RAB44: variants seen among roughly 807,000 people sequenced by gnomAD.
RAB44 encodes RAB44, member RAS oncogene family.
A neutral mutation model predicts 93.3 loss-of-function variants in RAB44; 67 were observed. The ratio of observed to expected loss-of-function variants is 0.72; its 90% CI spans 0.59 to 0.88. The LOEUF is 0.88. RAB44 is among the 40% of genes least tolerant of loss of function. The pLI is 0.00. For synonymous variants in RAB44, 427 were observed against 520.3 expected (o/e 0.82, Z 2.44); for missense variants, 1,064 against 1,261.7 (o/e 0.84, Z 2.37).
In RAB44 at chr6:36,731,318, G is replaced by A. The variant is rs779819238; in HGVS notation, c.2975+569G>A. The stretch of plus-strand genomic sequence containing the variant: ...TGTCCTTCATGGCCCTTCTTGACAC[G>A]ACACATATTAATGATATATGCATTT... On this transcript the variant is annotated intron_variant, in intron 13 of 13. Coordinates refer to ENST00000612677, the MANE Select transcript of RAB44 (RefSeq NM_001257357.2). This position sits in a 1 kb window ranked among gnomAD's most constrained non-coding sequence, Gnocchi z 4.0. 7.2e-5 allele frequency among the ~76,000 whole-genome samples: 11 copies of A among 152,010 alleles called. No homozygotes were observed. The East Asian group carries it at 1.5e-3, about 21-fold the overall frequency.
At chr6:36,709,285 G>A (rs923271960) in intron 2 of RAB44, among the ~76,000 whole-genome samples, 2 of 152,022 alleles carry the variant, frequency 1.3e-5, no homozygotes, top group South Asian at 2.1e-4. Context: ...ATTAAAACTG[G>A]GCCAAATTTG....
Position 36,730,779 on chromosome 6 carries a change from A to ACC in RAB44, c.2975+38_2975+39dup, listed in dbSNP as rs57522248. 20 of 910,930 alleles carry ACC rather than the reference A, an allele frequency of 2.2e-5. No homozygotes were observed. In the African/African-American group the frequency reaches 2.2e-4, roughly 10 times the overall value. The allele number at this position is 910,930 out of a possible 1,614,324, so 56.4% of individuals were successfully genotyped here. ...GTGCTGCCCGCCCCCCGCCGCCCCC[A>ACC]CCCCCCCCCTTGCAGAATCCTCTGG... On this transcript the variant is annotated intron_variant, in intron 13 of 13. Transcript: ENST00000612677.
At position 36,732,389 on chromosome 6, in the gene RAB44, A is replaced by C; in HGVS notation, c.*296A>C. Reference sequence around the variant, plus strand: ...AAATACACCAAAATATTGGCCGCACATCTGTGGGTGTAAAATTTTAGGGAG... The same window carrying C: ...AAATACACCAAAATATTGGCCGCACCTCTGTGGGTGTAAAATTTTAGGGAG... On this transcript the variant is annotated 3_prime_UTR_variant, in exon 14 of 14. Transcript: ENST00000612677. The C allele has an allele frequency of 1.2e-5, 2 of 173,378 alleles. No homozygotes were observed. Among genetic ancestry groups the C allele is most frequent in the Non-Finnish European group, 1.1e-5 (1 of 87,262 alleles). 10.7% of individuals were successfully genotyped at this position (173,378 alleles called of 1,614,324 possible).
In RAB44 at chr6:36,702,648, G is replaced by A. The variant is rs182254333; in HGVS notation, c.-12-1576G>A. 2.7e-3 allele frequency among the ~76,000 whole-genome samples: 411 copies of A among 152,314 alleles called. 5 individuals are homozygous for A. Among genetic ancestry groups the A allele is most frequent in the Non-Finnish European group, 4.1e-4 (28 of 68,030 alleles). ...TGCTTCCAAATCCTACATGCCTCCT[G>A]CAGAACCTGCACAAGCCCCACCACT... On this transcript the variant is annotated intron_variant, in intron 1 of 13. Coordinates refer to ENST00000612677, the MANE Select transcript of RAB44 (RefSeq NM_001257357.2).
At position 36,715,640 on chromosome 6, in the gene RAB44, C is replaced by CACTT; in HGVS notation, c.486_489dup (p.Pro164ThrfsTer54). On this transcript the variant is annotated frameshift_variant, in exon 4 of 14. Coordinates refer to ENST00000612677, the MANE Select transcript of RAB44 (RefSeq NM_001257357.2). LOFTEE classifies it high-confidence loss of function. ...CTTCATGGAGCAGCTGGGGACTGGA[C>CACTT]ACTTACTTCCCAAGTAAGGCCAGGG... is the stretch of plus-strand genomic sequence containing the variant. 1.3e-6 allele frequency: 2 copies of CACTT among 1,536,052 alleles called. No homozygotes were observed. Among genetic ancestry groups the CACTT allele is most frequent in the Non-Finnish European group, 8.7e-7 (1 of 1,146,872 alleles).
intron 2 of RAB44, among the ~76,000 whole-genome samples, chr6:36,708,408 G>A (rs1762703247): frequency 6.6e-6 from 1 of 151,990 alleles, no homozygotes; most frequent in African/African-American, 2.4e-5. Flanking sequence ...TAGTGTTGAA[G>A]TATTTAAAAC....
chr6:36,700,444 CTTTTTTA>C (rs1036604344), intron 1 of RAB44, among the ~76,000 whole-genome samples: 2 of 152,062 alleles, frequency 1.3e-5, no homozygotes, highest in Admixed American at 6.6e-5. Flanking sequence ...TTTAATTTTA[CTTTTTTA>C]TTTTTTTGAG....
intron 4 of RAB44, among the ~76,000 whole-genome samples, chr6:36,716,833 G>C (rs1350547269): frequency 2.6e-5 from 4 of 152,224 alleles, no homozygotes; most frequent in Non-Finnish European, 2.9e-5. Context: ...CCGTGTGGCA[G>C]GCCCTGAGCT....
Position 36,725,895 on chromosome 6 carries a change from A to G in RAB44, c.2633A>G (p.Asp878Gly). 6.4e-7 allele frequency: 1 copy of G among 1,550,696 alleles called. No individual in the cohort carries two copies. Among genetic ancestry groups the G allele is most frequent in the Non-Finnish European group, 8.7e-7 (1 of 1,147,008 alleles). The change falls in exon 10 of 14, where the codon GAC (aspartate) becomes GGC (glycine). Residue 878 changes from aspartate to glycine, a missense_variant. By Grantham distance (94) the Asp-to-Gly change is moderately conservative (BLOSUM62 -1). Coordinates refer to ENST00000612677, the MANE Select transcript of RAB44 (RefSeq NM_001257357.2). ...TTTCGGGTCAAAACCTTGCTGGTGG[A>G]CAACAAGTGCTTTGTGCTGCAGCTC... ...VDFRVKTLLV[D>G]NKCFVLQLWD... is the part of the protein sequence containing the mutation.
At chr6:36,728,866 T>A in intron 12 of RAB44, 65 bp downstream of exon 12, 1 of 1,323,256 alleles carries the variant, frequency 7.6e-7, no homozygotes, top group Non-Finnish European at 1.1e-6. Context: ...TGGCAGGTGG[T>A]GGATAGGCAT....
At chr6:36,719,193 C>T (rs1048920251) in intron 7 of RAB44, among the ~76,000 whole-genome samples, 2 of 152,148 alleles carry the variant, frequency 1.3e-5, no homozygotes, top group East Asian at 3.8e-4. Context: ...GACCACTGAC[C>T]TTGGTAAAAT....
chr6:36,714,338 T>C (rs1466999972), intron 3 of RAB44, among the ~76,000 whole-genome samples: 1 of 152,176 alleles, frequency 6.6e-6, no homozygotes, highest in South Asian at 2.1e-4. Context: ...CCCCAGCACC[T>C]GCCTCTCTAG....
intron 2 of RAB44, among the ~76,000 whole-genome samples, chr6:36,704,692 AT>A (rs1762600965): frequency 2.0e-5 from 3 of 152,230 alleles, no homozygotes; most frequent in African/African-American, 7.2e-5. Flanking sequence ...TAATTTGCAA[AT>A]GGTATAATTT....
At chr6:36,703,164 C>A (rs9380589) in intron 1 of RAB44, among the ~76,000 whole-genome samples, 1 of 152,116 alleles carries the variant, frequency 6.6e-6, no homozygotes, top group Non-Finnish European at 1.5e-5. Context: ...GGCAGAAGGA[C>A]GACAGGGAGC....
chr6:36,712,649 G>A (rs1207796759), intron 2 of RAB44, among the ~76,000 whole-genome samples: 1 of 152,190 alleles, frequency 6.6e-6, no homozygotes, highest in Non-Finnish European at 1.5e-5. Flanking sequence ...ACAGGTGTGA[G>A]CCACTGCACC....
rs547794659 is a variant in RAB44 at position 36,732,830 on chromosome 6, G to C, written c.*737G>C. ...ACACCTCCCAGGGGTCACATTTGGG[G>C]GTCCCGCCCCCTGCTCCAATGCCAT... On this transcript the variant is annotated 3_prime_UTR_variant, in exon 14 of 14. Coordinates refer to ENST00000612677, the MANE Select transcript of RAB44 (RefSeq NM_001257357.2). 1 of 152,196 alleles carries C rather than the reference G, an allele frequency of 6.6e-6. No homozygotes were observed. Among genetic ancestry groups the C allele is most frequent in the Non-Finnish European group, 1.5e-5 (1 of 68,076 alleles). 9.4% of individuals were successfully genotyped at this position (152,196 alleles called of 1,614,324 possible). A position where few individuals can be genotyped will look rare whatever the true frequency, so the allele number is the denominator to read the frequency against.
chr6:36,730,760 C>T lies in RAB44; in HGVS notation c.2975+11C>T, dbSNP rs1158613005. On this transcript the variant is annotated intron_variant, in intron 13 of 13. Transcript: ENST00000612677. Reference sequence around the variant, plus strand: ...AGTAAACCTGGCCAGGTAAGTGCTGCCCGCCCCCCGCCGCCCCCACCCCCC... The same window carrying T: ...AGTAAACCTGGCCAGGTAAGTGCTGTCCGCCCCCCGCCGCCCCCACCCCCC... The T allele has an allele frequency of 2.0e-6, 2 of 985,020 alleles. No homozygotes were observed. The highest frequency in any genetic ancestry group is 5.9e-5 in the East Asian group (1 of 17,022). 61.0% of individuals were successfully genotyped at this position (985,020 alleles called of 1,614,324 possible). A position where few individuals can be genotyped will look rare whatever the true frequency, so the allele number is the denominator to read the frequency against.
Position 36,721,315 on chromosome 6 carries a change from C to T in RAB44, c.1181C>T (p.Thr394Ile). 1 of 1,230,506 alleles carries T rather than the reference C, an allele frequency of 8.1e-7. No individual in the cohort carries two copies. The highest frequency in any genetic ancestry group is 1.0e-6 in the Non-Finnish European group (1 of 985,026). 76.2% of individuals were successfully genotyped at this position (1,230,506 alleles called of 1,614,324 possible). ...CAGCTCTGCTGGAGCCCGCCCCCGA[C>T]CCCAAGAGCCACCTCAGGCCCCCAG... is the stretch of plus-strand genomic sequence containing the variant. Reference protein sequence around the residue: ...ALQLCWSPPPTPRATSGPQTP... With the variant: ...ALQLCWSPPPIPRATSGPQTP... The change falls in exon 9 of 14, where the codon ACC becomes ATC. Residue 394 changes from threonine to isoleucine, a missense_variant. By Grantham distance (89) the Thr-to-Ile change is moderately conservative (BLOSUM62 -1). Transcript: ENST00000612677.
chr6:36,719,756 C>T (rs1205109774), intron 7 of RAB44, among the ~76,000 whole-genome samples: 2 of 152,210 alleles, frequency 1.3e-5, no homozygotes, highest in Admixed American at 6.5e-5. Context: ...GAAGGGCATC[C>T]AGGCAGAGGG....
Sources: gnomAD v4.1 joint callset for allele counts (sites outside exome capture counted in the v4.1 genomes callset) on GRCh38, gnomAD v4.1.1 for gene constraint, Gnocchi (gnomAD v3.1) non-coding constraint, MANE v1.5 for transcripts, NCBI Gene and HGNC (gene_info 2026-07-23, HGNC 2026-07-21) for gene names.